The following FBXW11 variants were observed in gnomAD, a reference collection of about 807,000 sequenced individuals.
FBXW11 encodes the protein F-box/WD repeat-containing protein 11.
In FBXW11, 19 loss-of-function variants were observed where a neutral mutation model predicts 77.6. The ratio of observed to expected loss-of-function variants is 0.24; its 90% CI spans 0.17 to 0.36. The LOEUF is 0.36. Ranked by LOEUF, FBXW11 falls within the 10% of genes least tolerant of loss-of-function variation. The pLI is 1.00. For missense variants in FBXW11, 334 were observed against 704.2 expected, an observed-to-expected ratio of 0.47 and a Z score of 5.95; for synonymous variants, 235 against 249.4, an observed-to-expected ratio of 0.94 and a Z score of 0.54.
At chr5:171,959,790 CAGTA>C (rs1331908603) in intron 1 of FBXW11, among the ~76,000 whole-genome samples, 1 of 149,100 alleles carries the variant, frequency 6.7e-6, no homozygotes, top group Non-Finnish European at 1.5e-5. Context: ...TCAGAGGTTG[CAGTA>C]AGCCAAGACC....
Position 171,957,616 on chromosome 5 carries a change from G to C in FBXW11, c.128C>G (p.Pro43Arg), listed in dbSNP as rs938831477. The change falls in exon 2 of 14, where the codon CCC (proline) becomes CGC (arginine). Residue 43 changes from proline to arginine, a missense_variant. Transcript: ENST00000517395. ...MCALSCLQSM[P>R]SVRCLQNTSV... ...AGGCACCTGGAGACATCTGACACTG[G>C]GCATGCTCTGCAGGCAACTCAGTGC... 3.1e-6 allele frequency: 5 copies of C among 1,613,892 alleles called. No individual in the cohort carries two copies. The African/African-American group carries it at 5.3e-5, about 17-fold the overall frequency.
intron 6 of FBXW11, among the ~76,000 whole-genome samples, chr5:171,896,098 A>AT (rs990479180): frequency 6.6e-6 from 1 of 152,110 alleles, no homozygotes; most frequent in African/African-American, 2.4e-5. Flanking sequence ...AATTAAGCCA[A>AT]TTTTCGGTGG....
chr5:171,865,138 C>A (rs1040463359), intron 13 of FBXW11, among the ~76,000 whole-genome samples: 9 of 152,008 alleles, frequency 5.9e-5, no homozygotes, highest in African/African-American at 2.2e-4. Context: ...TTTAAGGGAA[C>A]CTGAATTATT....
At chr5:171,872,280 A>T (rs1021419044) in intron 10 of FBXW11, among the ~76,000 whole-genome samples, 7 of 152,204 alleles carry the variant, frequency 4.6e-5, no homozygotes, top group African/African-American at 1.7e-4. Context: ...AGTCAATTTG[A>T]TTATAAACCA....
rs1180457485 is a variant in FBXW11, at chr5:171,862,294, A to G, written c.*1833T>C. 1 of 152,648 alleles carries G rather than the reference A, an allele frequency of 6.6e-6. No homozygotes were observed. Among genetic ancestry groups the G allele is most frequent in the East Asian group, 1.9e-4 (1 of 5,194 alleles). The allele number at this position is 152,648 out of a possible 1,614,324, so 9.5% of individuals were successfully genotyped here. On this transcript the variant is annotated 3_prime_UTR_variant, in exon 14 of 14. Coordinates refer to ENST00000517395, the MANE Select transcript of FBXW11 (RefSeq NM_001378974.1). Reference sequence around the variant, plus strand: ...GAGACTCAACCTCTCAAAAACATAAATTAATTTAGTAACATGGGAAGGAAG... The same window carrying G: ...GAGACTCAACCTCTCAAAAACATAAGTTAATTTAGTAACATGGGAAGGAAG...
chr5:171,942,858 A>AT (rs1412507212), intron 2 of FBXW11, among the ~76,000 whole-genome samples: 1 of 152,062 alleles, frequency 6.6e-6, no homozygotes, highest in African/African-American at 2.4e-5. Context: ...ATAAATTATT[A>AT]TTTTTAAAAA....
chr5:171,966,548 T>C (rs1764200913), intron 1 of FBXW11, among the ~76,000 whole-genome samples: 1 of 152,178 alleles, frequency 6.6e-6, no homozygotes, highest in African/African-American at 2.4e-5. Flanking sequence ...GATCCTCAGT[T>C]GTACTAGGAC....
chr5:171,887,054 C>T (rs559266224), intron 7 of FBXW11, among the ~76,000 whole-genome samples: 4 of 152,180 alleles, frequency 2.6e-5, no homozygotes, highest in South Asian at 2.1e-4. Context: ...AATAGAGTTC[C>T]GTGGTCAAAT....
intron 2 of FBXW11, among the ~76,000 whole-genome samples, chr5:171,951,587 A>C (rs1279781766): frequency 6.6e-6 from 1 of 152,060 alleles, no homozygotes; most frequent in East Asian, 1.9e-4. Flanking sequence ...AAAATAAAAA[A>C]ATGCTAAAGC....
At chr5:171,895,420 C>A (rs1261160227) in intron 6 of FBXW11, among the ~76,000 whole-genome samples, 1 of 152,130 alleles carries the variant, frequency 6.6e-6, no homozygotes, top group Non-Finnish European at 1.5e-5. Flanking sequence ...ATGTTAATAT[C>A]AGGTTTGCAA....
At chr5:171,936,782 A>T (rs1007264868) in intron 2 of FBXW11, among the ~76,000 whole-genome samples, 1 of 152,162 alleles carries the variant, frequency 6.6e-6, no homozygotes, top group Non-Finnish European at 1.5e-5. Context: ...TACACAGACT[A>T]AACTTGCTTT....
intron 1 of FBXW11, among the ~76,000 whole-genome samples, chr5:171,983,496 T>C (rs115176232): frequency 0.028 from 4,282 of 151,792 alleles, 128 homozygotes; most frequent in African/African-American, 0.072. Flanking sequence ...GTATGTGGGG[T>C]AGGGGGGCAA....
intron 2 of FBXW11, among the ~76,000 whole-genome samples, chr5:171,922,492 A>C (rs1176669607): frequency 6.6e-6 from 1 of 152,236 alleles, no homozygotes; most frequent in Non-Finnish European, 1.5e-5. Flanking sequence ...AATTTGTCTA[A>C]AATAGCAGTT....
chr5:171,887,677 T>A (rs998599945), intron 7 of FBXW11, among the ~76,000 whole-genome samples: 4 of 151,896 alleles, frequency 2.6e-5, no homozygotes, highest in Non-Finnish European at 5.9e-5. Flanking sequence ...TTTTTTTTTT[T>A]ATTTTTTATT....
chr5:172,002,662 A>AACT (rs1766480297), intron 1 of FBXW11, among the ~76,000 whole-genome samples: 1 of 149,886 alleles, frequency 6.7e-6, no homozygotes, highest in Non-Finnish European at 1.5e-5. Context: ...CATTTCCAGT[A>AACT]ACTTCATTTA....
At chr5:171,958,734 A>T (rs1763745747) in intron 1 of FBXW11, among the ~76,000 whole-genome samples, 1 of 152,230 alleles carries the variant, frequency 6.6e-6, no homozygotes, top group African/African-American at 2.4e-5. Flanking sequence ...ATACTGTTCA[A>T]TCATTCAGAT....
At chr5:171,867,416 T>C (rs1388207877) in intron 13 of FBXW11, among the ~76,000 whole-genome samples, 1 of 151,708 alleles carries the variant, frequency 6.6e-6, no homozygotes, top group Non-Finnish European at 1.5e-5. Context: ...TTTTTAAGCA[T>C]TTAAAAATGT....
chr5:171,864,596 C>G (rs2113727902), intron 13 of FBXW11, among the ~76,000 whole-genome samples: 1 of 152,298 alleles, frequency 6.6e-6, no homozygotes, highest in East Asian at 1.9e-4. Context: ...CAAAAATTAG[C>G]CTTTCTAAAA....
At chr5:171,901,885 G>A (rs839283) in intron 4 of FBXW11, among the ~76,000 whole-genome samples, 3,690 of 152,194 alleles carry the variant, frequency 0.024, 84 homozygotes, top group African/African-American at 0.058. Flanking sequence ...CAGAAGAGTG[G>A]GTATTCCACA....
Sources: allele counts gnomAD v4.1 joint callset (sites outside exome capture counted in the v4.1 genomes callset), GRCh38; gene constraint gnomAD v4.1.1; transcripts MANE v1.5; gene names NCBI Gene and HGNC (gene_info 2026-07-23, HGNC 2026-07-21).